STAU2: variants seen among roughly 807,000 people sequenced by gnomAD.
STAU2 encodes the protein staufen double-stranded RNA binding protein 2, also known as double-stranded RNA-binding protein Staufen homolog 2.
STAU2 carries 20 observed loss-of-function variants against 65.9 expected under a neutral mutation model. The observed-to-expected ratio is 0.30, with a 90% CI of 0.21 to 0.44. The LOEUF is 0.44. STAU2 is among the 20% of genes least tolerant of loss of function. The probability of loss-of-function intolerance (pLI) is 1.00; values close to 1 mark genes in which losing one functional copy is unlikely to be tolerated. For synonymous variants in STAU2, 232 were observed against 233.9 expected (o/e 0.99, Z 0.07); for missense variants, 558 against 683.9 (o/e 0.82, Z 2.05).
intron 13 of STAU2, among the ~76,000 whole-genome samples, chr8:73,492,723 T>C (rs1480162809): frequency 2.0e-5 from 3 of 151,862 alleles, no homozygotes; most frequent in African/African-American, 7.2e-5. Context: ...AGATTGGATT[T>C]ATACATCAAA....
chr8:73,621,163 T>C (rs1199477089), intron 6 of STAU2, among the ~76,000 whole-genome samples: 2 of 152,140 alleles, frequency 1.3e-5, no homozygotes, highest in Admixed American at 1.3e-4. Flanking sequence ...CAAATTGTAA[T>C]CTCCATGTGT....
At chr8:73,427,926 A>G (rs1051234860) in intron 13 of STAU2, among the ~76,000 whole-genome samples, 4 of 152,188 alleles carry the variant, frequency 2.6e-5, no homozygotes, top group African/African-American at 4.8e-5. Flanking sequence ...TTGAAATTTT[A>G]TTATTTTTTG....
Position 73,613,231 on chromosome 8 carries a change from T to C in STAU2, c.891+513A>G, listed in dbSNP as rs558360816. On this transcript the variant is annotated intron_variant, in intron 9 of 14. Transcript: ENST00000524300. ...CAGCTGCTGTAGCTATCATTGTTAGTATTAGTCACATGATTTTTTTGTGTG... is the reference window on the plus strand; with the variant it reads ...CAGCTGCTGTAGCTATCATTGTTAGCATTAGTCACATGATTTTTTTGTGTG... Among the ~76,000 whole-genome samples the C allele has an allele frequency of 2.0e-4, 31 of 152,354 alleles. 1 individual carries two copies. In the South Asian group the frequency reaches 5.8e-3, roughly 29 times the overall value.
Position 73,421,256 on chromosome 8 carries a change from T to C in STAU2, c.*116A>G, listed in dbSNP as rs1816352379. The C allele has an allele frequency of 7.2e-6, 6 of 830,814 alleles. No individual in the cohort carries two copies. Among genetic ancestry groups the C allele is most frequent in the Admixed American group, 2.2e-5 (1 of 45,500 alleles). 51.5% of individuals were successfully genotyped at this position (830,814 alleles called of 1,614,324 possible). A position where few individuals can be genotyped will look rare whatever the true frequency, so the allele number is the denominator to read the frequency against. On this transcript the variant is annotated 3_prime_UTR_variant, in exon 15 of 15. Coordinates refer to ENST00000524300, the MANE Select transcript of STAU2 (RefSeq NM_001164380.2). ...TATCTCTCGTGTTAGAATAGTGTTG[T>C]CTTCACATAAGACTCAAATAATGGT...
chr8:73,648,474 C>G (rs1301263237), intron 6 of STAU2, among the ~76,000 whole-genome samples: 4 of 152,102 alleles, frequency 2.6e-5, no homozygotes, highest in Non-Finnish European at 5.9e-5. Context: ...ATATATATAC[C>G]TTGGAGAACC....
At chr8:73,689,309 A>C (rs1013080817) in intron 4 of STAU2, among the ~76,000 whole-genome samples, 3 of 152,216 alleles carry the variant, frequency 2.0e-5, no homozygotes, top group African/African-American at 7.2e-5. Flanking sequence ...ACATTGAGCC[A>C]ATCACTAAAT....
chr8:73,686,229 A>G lies in STAU2; in HGVS notation c.274+2425T>C, dbSNP rs978288838. ...GGAGATGGAGACCATCCTGGCTAAC[A>G]TGGTGAAACCCTGTCTCTACTAAAA... On this transcript the variant is annotated intron_variant, in intron 5 of 14. Coordinates refer to ENST00000524300, the MANE Select transcript of STAU2 (RefSeq NM_001164380.2). 2.0e-4 allele frequency among the ~76,000 whole-genome samples: 30 copies of G among 152,166 alleles called. 1 individual carries two copies. Among genetic ancestry groups the G allele is most frequent in the Admixed American group, 2.0e-3 (30 of 15,270 alleles).
chr8:73,548,215 C>T (rs117450119), intron 13 of STAU2, among the ~76,000 whole-genome samples: 2,526 of 148,838 alleles, frequency 0.017, 26 homozygotes, highest in Middle Eastern at 0.024. Context: ...CAAAATTGTA[C>T]TTGTATTGAT....
At chr8:73,585,897 C>A (rs1052240195) in intron 11 of STAU2, among the ~76,000 whole-genome samples, 1 of 152,188 alleles carries the variant, frequency 6.6e-6, no homozygotes, top group Admixed American at 6.5e-5. Context: ...GTGAATGAGT[C>A]TGACAAGATC....
rs34400355 is a variant in STAU2, at chr8:73,426,926, A to ATTTTT, written c.1531-4229_1531-4225dup. Reference sequence around the variant, plus strand: ...CCAAAGATGATGTCCATTTTTAAAGATTTTTTTTTTTTTTTTTTTGAGACA... The same window carrying ATTTTT: ...CCAAAGATGATGTCCATTTTTAAAGATTTTTTTTTTTTTTTTTTTTTTTTGAGACA... On this transcript the variant is annotated intron_variant, in intron 13 of 14. Coordinates refer to ENST00000524300, the MANE Select transcript of STAU2 (RefSeq NM_001164380.2). 3.2e-3 allele frequency among the ~76,000 whole-genome samples: 418 copies of ATTTTT among 129,924 alleles called. 10 individuals are homozygous for ATTTTT. Among genetic ancestry groups the ATTTTT allele is most frequent in the African/African-American group, 0.012 (395 of 34,024 alleles). 85.2% of individuals were successfully genotyped at this position (129,924 alleles called of 152,430 possible).
chr8:73,482,357 CT>C (rs1016577475), intron 13 of STAU2, among the ~76,000 whole-genome samples: 32 of 151,700 alleles, frequency 2.1e-4, no homozygotes, highest in Admixed American at 2.0e-3. Flanking sequence ...AAAAAACTGT[CT>C]TTTTTTTAGT....
At chr8:73,555,043 C>G (rs1211098031) in intron 12 of STAU2, among the ~76,000 whole-genome samples, 1 of 152,152 alleles carries the variant, frequency 6.6e-6, no homozygotes, top group Non-Finnish European at 1.5e-5. Context: ...CCAATACTGT[C>G]CTGACCTCAA....
chr8:73,507,856 A>G (rs115699199), intron 13 of STAU2, among the ~76,000 whole-genome samples: 2,924 of 152,136 alleles, frequency 0.019, 95 homozygotes, highest in African/African-American at 0.068. Flanking sequence ...TTCCCCTTAC[A>G]CTTTTATGTT....
intron 11 of STAU2, among the ~76,000 whole-genome samples, chr8:73,587,479 G>A (rs534806102): frequency 8.5e-5 from 13 of 152,188 alleles, no homozygotes; most frequent in Admixed American, 2.6e-4. Context: ...CAGGCATATC[G>A]ATCAATCTGC....
At chr8:73,654,389 C>G (rs185614444) in intron 6 of STAU2, among the ~76,000 whole-genome samples, 1 of 151,882 alleles carries the variant, frequency 6.6e-6, no homozygotes, top group Non-Finnish European at 1.5e-5. Context: ...CACTGGCTGA[C>G]CCCTGTAATC....
intron 5 of STAU2, among the ~76,000 whole-genome samples, chr8:73,681,475 T>C (rs986348517): frequency 3.9e-5 from 6 of 152,136 alleles, no homozygotes; most frequent in South Asian, 4.1e-4. Flanking sequence ...AATTATTAAA[T>C]CTTGAAACAA....
intron 13 of STAU2, chr8:73,549,964 A>G (rs1807208848): frequency 1.0e-6 from 1 of 985,720 alleles, no homozygotes; most frequent in African/African-American, 1.7e-5. Context: ...TTACCTATAA[A>G]GAAATAGGCT....
In STAU2 at chr8:73,709,075, G is replaced by T; in HGVS notation, c.71C>A (p.Pro24His). ...NELARFNRVQ[P>H]QYKLLNERGP... ...TCTTTCATTCAGAAGTTTATACTGG[G>T]GTTGGACTCTATTGAAACGGGCTAA... The change falls in exon 4 of 15, where the codon CCC becomes CAC. Residue 24 changes from proline to histidine, a missense_variant. Coordinates refer to ENST00000524300, the MANE Select transcript of STAU2 (RefSeq NM_001164380.2). 1 of 1,532,798 alleles carries T rather than the reference G, an allele frequency of 6.5e-7. No individual in the cohort carries two copies. Among genetic ancestry groups the T allele is most frequent in the Non-Finnish European group, 8.7e-7 (1 of 1,144,770 alleles). 94.9% of individuals were successfully genotyped at this position (1,532,798 alleles called of 1,614,324 possible). A position where few individuals can be genotyped will look rare whatever the true frequency, so the allele number is the denominator to read the frequency against.
At chr8:73,568,655 G>A (rs1020410981) in intron 12 of STAU2, among the ~76,000 whole-genome samples, 2 of 152,014 alleles carry the variant, frequency 1.3e-5, no homozygotes, top group Non-Finnish European at 1.5e-5. Flanking sequence ...ATAGTTAGAT[G>A]AACAGAGGAG....
Sources: gnomAD v4.1 joint callset for allele counts (sites outside exome capture counted in the v4.1 genomes callset) on GRCh38, gnomAD v4.1.1 for gene constraint, MANE v1.5 for transcripts, NCBI Gene and HGNC (gene_info 2026-07-23, HGNC 2026-07-21) for gene names.